The following NLRP7 variants were observed in gnomAD, a reference collection of about 807,000 sequenced individuals.
NLRP7 encodes NLR family pyrin domain containing 7.
NLRP7 carries 72 observed loss-of-function variants against 85.5 expected under a neutral mutation model. That is an observed-to-expected ratio of 0.84 (90% CI 0.70 to 1.02). The LOEUF is 1.02. NLRP7 is among the 50% of genes least tolerant of loss of function. The pLI is 0.00. For synonymous variants in NLRP7, 550 were observed against 505.2 expected, an observed-to-expected ratio of 1.09 and a Z score of -1.19; for missense variants, 1,243 against 1,219.5, an observed-to-expected ratio of 1.02 and a Z score of -0.29.
chr19:54,940,281 CG>C lies in NLRP7; in HGVS notation c.537del (p.Ala180GlnfsTer47), dbSNP rs778728047. 1 of 1,614,100 alleles carries C rather than the reference CG, an allele frequency of 6.2e-7. No homozygotes were observed. The highest frequency in any genetic ancestry group is 1.1e-5 in the South Asian group (1 of 91,082). On this transcript the variant is annotated frameshift_variant, in exon 4 of 10. Coordinates refer to ENST00000340844, the Ensembl canonical transcript of NLRP7. LOFTEE classifies it high-confidence loss of function. ...GCCAGCGTGGTTTTCCCCACGCCTG[CG>C]GGGCCGTGCAGCACCACCGTGTAAG... is the stretch of plus-strand genomic sequence containing the variant.
intron 4 of NLRP7, among the ~76,000 whole-genome samples, chr19:54,938,680 C>G (rs2069053841): frequency 6.6e-6 from 1 of 152,174 alleles, no homozygotes; most frequent in Non-Finnish European, 1.5e-5. Context: ...GAGCCAAGAT[C>G]GCGCCACTGC....
chr19:54,925,167 A>G (rs2068378119), intron 9 of NLRP7, among the ~76,000 whole-genome samples: 1 of 152,098 alleles, frequency 6.6e-6, no homozygotes, highest in Admixed American at 6.6e-5. Context: ...TGGCCTCCCA[A>G]AGGAGGAACT....
chr19:54,965,349 C>T (rs983390228), intron 1 of NLRP7: 3 of 103,708 alleles, frequency 2.9e-5, no homozygotes, highest in Admixed American at 9.0e-5. Context: ...CCCTCATCTC[C>T]GCCGGCGAGT....
At chr19:54,957,970 C>A (rs1381906779) in intron 1 of NLRP7, among the ~76,000 whole-genome samples, 4 of 151,970 alleles carry the variant, frequency 2.6e-5, no homozygotes, top group Non-Finnish European at 5.9e-5. Flanking sequence ...AATTCCAGCA[C>A]TTTGGGAGGC....
At chr19:54,963,551 C>A (rs879373545) in intron 1 of NLRP7, among the ~76,000 whole-genome samples, 1 of 151,314 alleles carries the variant, frequency 6.6e-6, no homozygotes, top group Non-Finnish European at 1.5e-5. Flanking sequence ...AGGCTAGGCG[C>A]AGTGGCTCAT....
intron 1 of NLRP7, among the ~76,000 whole-genome samples, chr19:54,962,224 T>C (rs2070066929): frequency 6.7e-6 from 1 of 149,720 alleles, no homozygotes; most frequent in South Asian, 2.1e-4. Context: ...TGAAAACTGC[T>C]CCTGCACATT....
At chr19:54,951,422 C>G (rs2146266053), upstream of NLRP7, among the ~76,000 whole-genome samples, 2 of 152,108 alleles carry the variant, frequency 1.3e-5, no homozygotes, top group Middle Eastern at 3.4e-3. Flanking sequence ...AGTTCAACGC[C>G]TGTAATCCCA....
At chr19:54,955,657 G>T (rs1180250165) in intron 1 of NLRP7, among the ~76,000 whole-genome samples, 1 of 151,736 alleles carries the variant, frequency 6.6e-6, no homozygotes, top group Non-Finnish European at 1.5e-5. Context: ...GGAGGTCGTG[G>T]GCGCCTGTGG....
chr19:54,930,474 A>C, intron 9 of NLRP7, 25 bp downstream of exon 9: 1 of 1,545,570 alleles, frequency 6.5e-7, no homozygotes, highest in Admixed American at 1.7e-5. Flanking sequence ...AAAAAGAAAG[A>C]AAGAAGAAAA....
chr19:54,936,221 G>C lies in NLRP7; in HGVS notation c.2300+40C>G, dbSNP rs374075665. On this transcript the variant is annotated intron_variant, in intron 6 of 9. Transcript: ENST00000340844. ...GATCCCCCAGCAACACGGTGCAGTG[G>C]ACTCCAGGTGCTGGGGAGAGCCGTG... is the stretch of plus-strand genomic sequence containing the variant. The C allele has an allele frequency of 3.9e-5, 62 of 1,578,012 alleles. No individual in the cohort carries two copies. In the Middle Eastern group the frequency reaches 6.7e-4, roughly 17 times the overall value.
chr19:54,934,422 G>C lies in NLRP7; in HGVS notation c.2471+67C>G. On this transcript the variant is annotated intron_variant, in intron 7 of 9. Transcript: ENST00000340844. This position sits in a 1 kb window ranked among gnomAD's most constrained non-coding sequence, Gnocchi z 6.7. ...CCACGTGGGTGGCGCAGTAAGTCAG[G>C]TGTTACCCTTTCTCTTCTATAGCCC... is the stretch of plus-strand genomic sequence containing the variant. 6.5e-7 allele frequency: 1 copy of C among 1,527,450 alleles called. No homozygotes were observed. Among genetic ancestry groups the C allele is most frequent in the South Asian group, 1.1e-5 (1 of 89,424 alleles). 94.6% of individuals were successfully genotyped at this position (1,527,450 alleles called of 1,614,324 possible). A position where few individuals can be genotyped will look rare whatever the true frequency, so the allele number is the denominator to read the frequency against.
intron 1 of NLRP7, among the ~76,000 whole-genome samples, chr19:54,945,710 T>G (rs1449477939): frequency 6.6e-6 from 1 of 152,062 alleles, no homozygotes; most frequent in Admixed American, 6.6e-5. Context: ...GTGATTCTAG[T>G]GCCTCAGCCT....
exon 3 of NLRP7, chr19:54,940,996 T>G: frequency 6.2e-7 from 1 of 1,609,294 alleles, no homozygotes; most frequent in Non-Finnish European, 8.5e-7. Flanking sequence ...TTCTTGCACC[T>G]GTCCGTCCTC....
At chr19:54,963,780 C>T (rs576619875) in intron 1 of NLRP7, among the ~76,000 whole-genome samples, 9 of 146,958 alleles carry the variant, frequency 6.1e-5, no homozygotes, top group Admixed American at 2.7e-4. Flanking sequence ...GCCAAGATTG[C>T]GCCACTGCAC....
At chr19:54,959,240 G>C (rs2069955913) in intron 1 of NLRP7, among the ~76,000 whole-genome samples, 1 of 149,990 alleles carries the variant, frequency 6.7e-6, no homozygotes, top group Non-Finnish European at 1.5e-5. Flanking sequence ...CTGGATTCAA[G>C]CAATTCTGCT....
intron 9 of NLRP7, among the ~76,000 whole-genome samples, chr19:54,929,787 C>G (rs1037558502): frequency 1.1e-4 from 17 of 152,220 alleles, no homozygotes; most frequent in East Asian, 3.9e-4. Flanking sequence ...GATCTTAAAA[C>G]TGGATCCGAA....
chr19:54,962,616 T>C (rs2070087219), intron 1 of NLRP7, among the ~76,000 whole-genome samples: 1 of 150,088 alleles, frequency 6.7e-6, no homozygotes, highest in Non-Finnish European at 1.5e-5. Context: ...TTGTTTGTTT[T>C]TGAGACAGAG....
At chr19:54,959,532 G>A (rs1055071210) in intron 1 of NLRP7, among the ~76,000 whole-genome samples, 2 of 151,620 alleles carry the variant, frequency 1.3e-5, no homozygotes, top group African/African-American at 4.8e-5. Flanking sequence ...TTGGGAGGCT[G>A]AGGCAGGTGG....
intron 1 of NLRP7, among the ~76,000 whole-genome samples, chr19:54,962,938 G>A (rs1226061677): frequency 2.6e-5 from 4 of 152,096 alleles, no homozygotes; most frequent in African/African-American, 4.8e-5. Flanking sequence ...GCAACTGAGC[G>A]CGGCAGTGAA....
Sources: allele counts gnomAD v4.1 joint callset (sites outside exome capture counted in the v4.1 genomes callset), GRCh38; gene constraint gnomAD v4.1.1; non-coding constraint Gnocchi (gnomAD v3.1); transcripts MANE v1.5; gene names NCBI Gene and HGNC (gene_info 2026-07-23, HGNC 2026-07-21).